Variants in OPCML observed in about 807,000 individuals in gnomAD.
OPCML encodes the protein opioid binding protein/cell adhesion molecule like.
In OPCML, 13 loss-of-function variants were observed where a neutral mutation model predicts 37.8. That is an observed-to-expected ratio of 0.34 (90% CI 0.22 to 0.55). OPCML has a LOEUF of 0.55. Among genes scored for constraint, OPCML ranks in the 20% least tolerant of loss-of-function variants. The probability of loss-of-function intolerance (pLI) is 0.91; values close to 1 mark genes in which losing one functional copy is unlikely to be tolerated. For synonymous variants in OPCML, 176 were observed against 168.8 expected, an observed-to-expected ratio of 1.04 and a Z score of -0.33; for missense variants, 341 against 435.6, an observed-to-expected ratio of 0.78 and a Z score of 1.93.
chr11:132,422,501 A>G (rs137880965), intron 7 of OPCML, among the ~76,000 whole-genome samples: 1 of 152,336 alleles, frequency 6.6e-6, no homozygotes, highest in East Asian at 1.9e-4. Context: ...AAGAGTGGAA[A>G]TGAAAGGGAG....
rs1942166577 is a variant in OPCML, at chr11:132,858,659, AG to A, written c.146+84266del. Among the ~76,000 whole-genome samples the A allele has an allele frequency of 2.0e-5, 3 of 152,074 alleles. No homozygotes were observed. In the South Asian group the frequency reaches 6.3e-4, roughly 32 times the overall value. On this transcript the variant is annotated intron_variant, in intron 2 of 7. Transcript: ENST00000524381. ...AAGTCCTGACTCTGGTAGCAGCATT[AG>A]TCTTTCTGAGTGTCATTTTCTCATC...
intron 2 of OPCML, among the ~76,000 whole-genome samples, chr11:132,770,239 C>G (rs372445277): frequency 5.1e-4 from 78 of 152,176 alleles, no homozygotes; most frequent in African/African-American, 1.7e-3. Flanking sequence ...GACACGAATT[C>G]CTGCTCTCAT....
intron 2 of OPCML, among the ~76,000 whole-genome samples, chr11:132,888,635 G>T (rs1943516083): frequency 6.6e-6 from 1 of 151,934 alleles, no homozygotes; most frequent in Admixed American, 6.5e-5. Flanking sequence ...TTGTTCGTTT[G>T]TTTGTTTGGC....
chr11:132,652,819 C>T (rs1941498978), intron 3 of OPCML, among the ~76,000 whole-genome samples: 1 of 152,208 alleles, frequency 6.6e-6, no homozygotes, highest in African/African-American at 2.4e-5. Flanking sequence ...TTCCCTGCCA[C>T]CTGTATCTGC....
At chr11:133,104,039 G>T (rs553976265) in intron 1 of OPCML, among the ~76,000 whole-genome samples, 1 of 152,144 alleles carries the variant, frequency 6.6e-6, no homozygotes, top group Non-Finnish European at 1.5e-5. Flanking sequence ...AGAGTTACAG[G>T]CTGAGACAAT....
chr11:133,490,870 G>A (rs1054574341), intron 1 of OPCML, among the ~76,000 whole-genome samples: 4 of 152,072 alleles, frequency 2.6e-5, no homozygotes, highest in East Asian at 1.9e-4. Context: ...CCCCGTCAAC[G>A]TTATGCTGTT....
intron 2 of OPCML, among the ~76,000 whole-genome samples, chr11:132,734,213 C>T (rs183820093): frequency 1.3e-5 from 2 of 152,222 alleles, no homozygotes; most frequent in African/African-American, 4.8e-5. Context: ...GATAGCCAGG[C>T]CCCCAGATGC....
At chr11:133,032,122 C>G (rs1201928656) in intron 1 of OPCML, among the ~76,000 whole-genome samples, 1 of 152,174 alleles carries the variant, frequency 6.6e-6, no homozygotes, top group African/African-American at 2.4e-5. Flanking sequence ...CCTCTGTAAA[C>G]AGAGGCTTCC....
At chr11:132,560,777 TG>T (rs1287934464) in intron 3 of OPCML, among the ~76,000 whole-genome samples, 1 of 152,190 alleles carries the variant, frequency 6.6e-6, no homozygotes, top group Non-Finnish European at 1.5e-5. Flanking sequence ...TTGATGGGAT[TG>T]TTTTTTTCTT....
At chr11:133,494,730 G>T (rs200925658) in intron 1 of OPCML, among the ~76,000 whole-genome samples, 1 of 103,500 alleles carries the variant, frequency 9.7e-6, no homozygotes, top group Non-Finnish European at 1.8e-5. Flanking sequence ...GTGGGGCGGG[G>T]GGACGGGGGA....
chr11:132,720,923 CA>C (rs1189859812), intron 2 of OPCML, among the ~76,000 whole-genome samples: 2 of 151,820 alleles, frequency 1.3e-5, no homozygotes, highest in African/African-American at 4.8e-5. Flanking sequence ...TAACATAAGG[CA>C]AAATTACAAC....
intron 1 of OPCML, chr11:133,005,184 G>A (rs1947084686): frequency 1.0e-6 from 1 of 985,218 alleles, no homozygotes; most frequent in East Asian, 1.1e-4. Context: ...CTCTAGCCCG[G>A]GTTTTCAGCC....
At chr11:132,633,426 T>C (rs1190325869) in intron 3 of OPCML, among the ~76,000 whole-genome samples, 1 of 152,112 alleles carries the variant, frequency 6.6e-6, no homozygotes, top group Non-Finnish European at 1.5e-5. Flanking sequence ...GAAATAAAAA[T>C]AGCCCTTCAT....
chr11:133,232,779 G>T (rs1039167838), intron 1 of OPCML, among the ~76,000 whole-genome samples: 2 of 152,106 alleles, frequency 1.3e-5, no homozygotes, highest in African/African-American at 2.4e-5. Flanking sequence ...GGAAAGAGGA[G>T]GGGAAAAGCG....
chr11:132,589,203 G>T (rs1160537884), intron 3 of OPCML, among the ~76,000 whole-genome samples: 1 of 152,042 alleles, frequency 6.6e-6, no homozygotes, highest in African/African-American at 2.4e-5. Flanking sequence ...AAAATGCATA[G>T]AAACCATTGT....
At chr11:132,547,648 T>C (rs1035739190) in intron 3 of OPCML, among the ~76,000 whole-genome samples, 1 of 152,170 alleles carries the variant, frequency 6.6e-6, no homozygotes, top group East Asian at 1.9e-4. Context: ...ATACCACTCA[T>C]TTTATTGGAA....
At chr11:133,026,616 T>G in intron 1 of OPCML, 1 of 980,286 alleles carries the variant, frequency 1.0e-6, no homozygotes, top group Non-Finnish European at 1.2e-6. Flanking sequence ...ATTTTCATAG[T>G]GCTTTCTCTC....
chr11:133,142,254 T>C (rs1949834313), intron 1 of OPCML, among the ~76,000 whole-genome samples: 1 of 152,218 alleles, frequency 6.6e-6, no homozygotes, highest in Non-Finnish European at 1.5e-5. Flanking sequence ...CATTAATAAA[T>C]AAATTCAAAA....
At position 133,212,223 on chromosome 11, in the gene OPCML, T is replaced by G. The variant is rs1287293192; in HGVS notation, c.62-269213A>C. On this transcript the variant is annotated intron_variant, in intron 1 of 7. Coordinates refer to ENST00000524381, the MANE Select transcript of OPCML (RefSeq NM_001012393.5). This position sits in a 1 kb window ranked among gnomAD's most constrained non-coding sequence, Gnocchi z 4.9. ...AGCAAGGACAACAACAAAAGCAATT[T>G]TTCCTGCCCACCACCCCGATAGGTG... Among the ~76,000 whole-genome samples the G allele has an allele frequency of 1.3e-5, 2 of 152,032 alleles. No homozygotes were observed.
Sources: gnomAD v4.1 joint callset for allele counts (sites outside exome capture counted in the v4.1 genomes callset) on GRCh38, gnomAD v4.1.1 for gene constraint, Gnocchi (gnomAD v3.1) non-coding constraint, MANE v1.5 for transcripts, NCBI Gene and HGNC (gene_info 2026-07-23, HGNC 2026-07-21) for gene names.